COL11A1: variants seen among roughly 807,000 people sequenced by gnomAD.
COL11A1 encodes collagen alpha-1(XI) chain.
A neutral mutation model predicts 265.2 loss-of-function variants in COL11A1; 74 were observed. The ratio of observed to expected loss-of-function variants is 0.28; its 90% CI spans 0.23 to 0.34. The LOEUF (loss-of-function observed/expected upper bound fraction) is 0.34, where lower values mean the gene tolerates loss of function less well. Ranked by LOEUF, COL11A1 falls within the 10% of genes least tolerant of loss-of-function variation. The pLI is 1.00. For missense variants in COL11A1, 2,165 were observed against 2,263.6 expected, an observed-to-expected ratio of 0.96 and a Z score of 0.88; for synonymous variants, 816 against 727.6, an observed-to-expected ratio of 1.12 and a Z score of -1.96.
At chr1:102,998,405 T>A in intron 24 of COL11A1, 42 bp from the exon 25 acceptor site, 1 of 1,414,988 alleles carries the variant, frequency 7.1e-7, no homozygotes, top group Non-Finnish European at 9.5e-7. Flanking sequence ...AAAAATAATT[T>A]TAAAAAGCTT....
intron 1 of COL11A1, among the ~76,000 whole-genome samples, chr1:103,086,706 G>A (rs1407629531): frequency 1.3e-5 from 2 of 151,850 alleles, no homozygotes; most frequent in Non-Finnish European, 2.9e-5. Flanking sequence ...GTGAGCCACC[G>A]CGCCCGGCAA....
intron 28 of COL11A1, among the ~76,000 whole-genome samples, chr1:102,990,453 C>T (rs1367280806): frequency 2.0e-5 from 3 of 151,572 alleles, no homozygotes; most frequent in African/African-American, 7.3e-5. Flanking sequence ...ATATCCTTTA[C>T]AGGTAGAATT....
intron 8 of COL11A1, 147 bp downstream of exon 8, chr1:103,022,595 C>A: frequency 2.4e-6 from 2 of 840,480 alleles, no homozygotes; most frequent in Non-Finnish European, 3.8e-6. Context: ...AAGAATCTAA[C>A]AAGGTGTCCT....
chr1:103,086,074 A>G (rs1345118378), intron 1 of COL11A1, among the ~76,000 whole-genome samples: 2 of 135,982 alleles, frequency 1.5e-5, no homozygotes. Flanking sequence ...AAACATACAT[A>G]TAATATGTTT....
chr1:102,936,374 T>C (rs915624021), intron 44 of COL11A1, among the ~76,000 whole-genome samples: 1 of 152,216 alleles, frequency 6.6e-6, no homozygotes, highest in Non-Finnish European at 1.5e-5. Context: ...TATGATTTTT[T>C]AGTTATAAAT....
intron 4 of COL11A1, among the ~76,000 whole-genome samples, chr1:103,062,820 AT>A (rs1267445094): frequency 6.6e-6 from 1 of 151,998 alleles, no homozygotes; most frequent in African/African-American, 2.4e-5. Flanking sequence ...TTTTCCACAG[AT>A]TACATAATTG....
At chr1:103,053,153 A>T (rs1034043815) in intron 4 of COL11A1, among the ~76,000 whole-genome samples, 3 of 152,164 alleles carry the variant, frequency 2.0e-5, no homozygotes, top group Non-Finnish European at 4.4e-5. Flanking sequence ...TCCAAATTAA[A>T]CAGGGCAATG....
chr1:102,930,475 G>A (rs1657269138), intron 46 of COL11A1, among the ~76,000 whole-genome samples: 1 of 152,028 alleles, frequency 6.6e-6, no homozygotes, highest in South Asian at 2.1e-4. Context: ...TTTTTGATGT[G>A]CTGCTGGATT....
intron 4 of COL11A1, among the ~76,000 whole-genome samples, chr1:103,073,367 A>T (rs1671727307): frequency 2.0e-5 from 3 of 151,968 alleles, no homozygotes; most frequent in Admixed American, 2.0e-4. Context: ...GTTTATGAAT[A>T]GTTTTATTTT....
chr1:102,961,455 AAATG>A (rs1219379567), intron 41 of COL11A1, among the ~76,000 whole-genome samples: 4 of 152,240 alleles, frequency 2.6e-5, no homozygotes, highest in Non-Finnish European at 5.9e-5. Flanking sequence ...GTTTTATAAT[AAATG>A]AATGATAGAA....
chr1:102,984,593 C>G (rs1663356479), intron 30 of COL11A1, among the ~76,000 whole-genome samples: 1 of 151,904 alleles, frequency 6.6e-6, no homozygotes, highest in Non-Finnish European at 1.5e-5. Flanking sequence ...TCCCTTCAAC[C>G]AGAGTAAATC....
At chr1:103,061,316 C>A (rs1421489687) in intron 4 of COL11A1, among the ~76,000 whole-genome samples, 1 of 152,014 alleles carries the variant, frequency 6.6e-6, no homozygotes, top group East Asian at 1.9e-4. Context: ...ATGGTAAACA[C>A]CATTCTAACA....
At chr1:102,964,713 C>T (rs1391186745) in intron 38 of COL11A1, among the ~76,000 whole-genome samples, 1 of 151,800 alleles carries the variant, frequency 6.6e-6, no homozygotes, top group Non-Finnish European at 1.5e-5. Context: ...AAAGACTAAA[C>T]CAATTAAATA....
At chr1:102,968,018 T>C (rs1034291219) in intron 37 of COL11A1, among the ~76,000 whole-genome samples, 1 of 152,188 alleles carries the variant, frequency 6.6e-6, no homozygotes, top group Non-Finnish European at 1.5e-5. Flanking sequence ...AAGACAGCAT[T>C]GCCCATATGT....
chr1:102,910,162 T>C (rs1654476418), intron 54 of COL11A1, among the ~76,000 whole-genome samples: 1 of 151,948 alleles, frequency 6.6e-6, no homozygotes, highest in African/African-American at 2.4e-5. Context: ...ATGTCTCTTT[T>C]TTATGTTTGC....
At chr1:103,082,743 T>C in intron 2 of COL11A1, 62 bp downstream of exon 2, 1 of 1,382,736 alleles carries the variant, frequency 7.2e-7, no homozygotes. Context: ...GTAGTTTTAG[T>C]AGTAACAAAA....
Position 102,915,700 on chromosome 1 carries a change from C to G in COL11A1, c.3763-16G>C, listed in dbSNP as rs1452608529. 7 of 1,586,330 alleles carry G rather than the reference C, an allele frequency of 4.4e-6. No homozygotes were observed. The highest frequency in any genetic ancestry group is 6.1e-6 in the Non-Finnish European group (7 of 1,155,280). On this transcript the variant is annotated splice_polypyrimidine_tract_variant and intron_variant, in intron 49 of 66. Coordinates refer to ENST00000370096, the MANE Select transcript of COL11A1 (RefSeq NM_001854.4). ...CAGGTTCACCCTATATAGAGAAGAT[C>G]AAATTAGTATTAGAATACAGAGATG...
chr1:103,074,508 A>T, intron 4 of COL11A1, 110 bp downstream of exon 4: 1 of 1,204,832 alleles, frequency 8.3e-7, no homozygotes, highest in Non-Finnish European at 1.2e-6. Context: ...CACCCTTTAG[A>T]GTTTTCAACT....
At position 102,945,413 on chromosome 1, in the gene COL11A1, T is replaced by C. The variant is rs184275918; in HGVS notation, c.3276+1436A>G. The stretch of plus-strand genomic sequence containing the variant: ...CCAATATATTTTTGTTCATTATAAA[T>C]TACCCAGTCTGTGGTATTCTGTTAT... On this transcript the variant is annotated intron_variant, in intron 42 of 66. Coordinates refer to ENST00000370096, the MANE Select transcript of COL11A1 (RefSeq NM_001854.4). Among the ~76,000 whole-genome samples the C allele has an allele frequency of 3.8e-3, 571 of 152,188 alleles. 9 individuals are homozygous for C. The highest frequency in any genetic ancestry group is 6.5e-3 in the Admixed American group (100 of 15,276).
Sources: allele counts gnomAD v4.1 joint callset (sites outside exome capture counted in the v4.1 genomes callset), GRCh38; gene constraint gnomAD v4.1.1; transcripts MANE v1.5; gene names NCBI Gene and HGNC (gene_info 2026-07-23, HGNC 2026-07-21).